Variants in CSMD1 observed in about 807,000 individuals in gnomAD.
CSMD1 encodes the protein CUB and Sushi multiple domains 1, also known as CUB and sushi domain-containing protein 1.
A neutral mutation model predicts 417.5 loss-of-function variants in CSMD1; 213 were observed. The observed-to-expected ratio is 0.51, with a 90% CI of 0.46 to 0.57. CSMD1 has a LOEUF of 0.57. Among genes scored for constraint, CSMD1 ranks in the 20% least tolerant of loss-of-function variants. CSMD1 has a pLI of 0.00. For missense variants in CSMD1, 6,923 were observed against 4,529.7 expected, an observed-to-expected ratio of 1.53 and a Z score of -15.17; for synonymous variants, 2,862 against 1,736.8, an observed-to-expected ratio of 1.65 and a Z score of -16.11.
At chr8:3,106,079 G>GGGAT (rs1816115156) in intron 46 of CSMD1, among the ~76,000 whole-genome samples, 1 of 152,166 alleles carries the variant, frequency 6.6e-6, no homozygotes, top group Non-Finnish European at 1.5e-5. Flanking sequence ...TCATTGCAAT[G>GGGAT]GGATCAGAGC....
intron 1 of CSMD1, among the ~76,000 whole-genome samples, chr8:4,761,903 CTATCTATCAAT>C (rs1563319599): frequency 5.6e-4 from 55 of 98,234 alleles, no homozygotes; most frequent in South Asian, 1.8e-3. Flanking sequence ...ACCTATCTAT[CTATCTATCAAT>C]CTATCTATCT....
At chr8:3,155,619 AG>A (rs1225572056) in intron 39 of CSMD1, among the ~76,000 whole-genome samples, 1 of 151,590 alleles carries the variant, frequency 6.6e-6, no homozygotes, top group African/African-American at 2.4e-5. Flanking sequence ...CACTCGCCTC[AG>A]CCTCCCAAAG....
At chr8:3,425,165 C>G (rs529985705) in intron 12 of CSMD1, among the ~76,000 whole-genome samples, 1 of 152,280 alleles carries the variant, frequency 6.6e-6, no homozygotes, top group South Asian at 2.1e-4. Flanking sequence ...CTGTGTCTAG[C>G]CTGTCAATTA....
chr8:4,704,198 G>A (rs765679168), intron 1 of CSMD1, among the ~76,000 whole-genome samples: 8 of 152,272 alleles, frequency 5.3e-5, no homozygotes, highest in African/African-American at 9.6e-5. Flanking sequence ...AATTTAATAC[G>A]CTGGTAGCAC....
At chr8:3,566,928 C>G (rs555305331) in intron 10 of CSMD1, among the ~76,000 whole-genome samples, 1 of 152,288 alleles carries the variant, frequency 6.6e-6, no homozygotes, top group Non-Finnish European at 1.5e-5. Context: ...TTACTGGGTA[C>G]ATACCCAAAA....
chr8:4,955,179 G>T (rs917355503), intron 1 of CSMD1, among the ~76,000 whole-genome samples: 11 of 152,142 alleles, frequency 7.2e-5, no homozygotes, highest in Non-Finnish European at 8.8e-5. Flanking sequence ...AGACCTACGG[G>T]GCTGTTCCCG....
In CSMD1 at chr8:4,581,803, G is replaced by C. The variant is rs79667078; in HGVS notation, c.302+55539C>G. Among the ~76,000 whole-genome samples, 10 of 152,254 alleles carry C rather than the reference G, an allele frequency of 6.6e-5. No individual in the cohort carries two copies. The East Asian group carries it at 1.9e-3, about 29-fold the overall frequency. ...CCTATTGGCTATTGCTAGGCTCTGA[G>C]CAAATGAGTCAGGAAGCCTGGGAGG... On this transcript the variant is annotated intron_variant, in intron 2 of 69. Coordinates refer to ENST00000635120, the MANE Select transcript of CSMD1 (RefSeq NM_033225.6).
chr8:4,759,434 A>G (rs1676959), intron 1 of CSMD1, among the ~76,000 whole-genome samples: 48,920 of 152,124 alleles, frequency 0.32, 8,979 homozygotes, highest in African/African-American at 0.5. Flanking sequence ...TCAAGGGTAC[A>G]TGTGCAGAAT....
chr8:4,108,396 A>T (rs752701565), intron 3 of CSMD1, among the ~76,000 whole-genome samples: 45 of 152,192 alleles, frequency 3.0e-4, no homozygotes, highest in Non-Finnish European at 5.6e-4. Flanking sequence ...ACTCTCGACC[A>T]TGTTCATAGC....
chr8:4,378,228 T>G (rs1181351430), intron 3 of CSMD1, among the ~76,000 whole-genome samples: 1 of 152,228 alleles, frequency 6.6e-6, no homozygotes, highest in Non-Finnish European at 1.5e-5. Context: ...CTGATGAGAT[T>G]TCCTTAAAAT....
rs549829716 is a variant in CSMD1, at chr8:4,187,092, C to T, written c.416-154993G>A. Among the ~76,000 whole-genome samples the T allele has an allele frequency of 1.8e-3, 273 of 152,240 alleles. 1 individual carries two copies. Among genetic ancestry groups the T allele is most frequent in the African/African-American group, 6.4e-3 (265 of 41,532 alleles). ...TTGAAACAAACATTATCTCTAAGGT[C>T]CCTTAAAATTCTGAAGAATTTCACC... On this transcript the variant is annotated intron_variant, in intron 3 of 69. Transcript: ENST00000635120.
intron 23 of CSMD1, among the ~76,000 whole-genome samples, chr8:3,323,731 C>T (rs1196077478): frequency 6.6e-6 from 1 of 151,092 alleles, no homozygotes; most frequent in Admixed American, 6.7e-5. Flanking sequence ...CCCCAGAGAC[C>T]CAGGAGGGAA....
intron 5 of CSMD1, among the ~76,000 whole-genome samples, chr8:3,905,813 G>C (rs965575993): frequency 3.3e-5 from 5 of 152,170 alleles, no homozygotes; most frequent in Non-Finnish European, 7.3e-5. Context: ...AGTTAACAAA[G>C]TCCAAACATC....
chr8:3,103,944 T>C (rs1815940755), intron 46 of CSMD1, among the ~76,000 whole-genome samples: 1 of 151,942 alleles, frequency 6.6e-6, no homozygotes, highest in African/African-American at 2.4e-5. Context: ...GGTTTCTTCA[T>C]GTTGGTCACG....
intron 1 of CSMD1, among the ~76,000 whole-genome samples, chr8:4,862,169 G>A (rs139125191): frequency 1.3e-5 from 2 of 151,972 alleles, no homozygotes; most frequent in African/African-American, 2.4e-5. Flanking sequence ...GAGCTGAGGT[G>A]GGAGTGGTTT....
intron 1 of CSMD1, among the ~76,000 whole-genome samples, chr8:4,992,607 C>A (rs1432659094): frequency 1.3e-5 from 2 of 152,196 alleles, no homozygotes; most frequent in Non-Finnish European, 2.9e-5. Flanking sequence ...CACACACGCC[C>A]CAGCACACCT....
At chr8:3,863,975 G>T (rs183383367) in intron 5 of CSMD1, among the ~76,000 whole-genome samples, 1 of 152,288 alleles carries the variant, frequency 6.6e-6, no homozygotes, top group African/African-American at 2.4e-5. Context: ...TCCTGAGGCT[G>T]CAGTCTAGGT....
At chr8:3,527,450 C>T (rs1424708784) in intron 10 of CSMD1, among the ~76,000 whole-genome samples, 1 of 152,128 alleles carries the variant, frequency 6.6e-6, no homozygotes, top group African/African-American at 2.4e-5. Flanking sequence ...AGATTACAGT[C>T]TGTGTGGGCG....
At chr8:3,671,245 G>C (rs1482477428) in intron 7 of CSMD1, among the ~76,000 whole-genome samples, 1 of 139,472 alleles carries the variant, frequency 7.2e-6, no homozygotes, top group Non-Finnish European at 1.6e-5. Context: ...ATATATGTGT[G>C]GGATATATAT....
Sources: allele counts gnomAD v4.1 joint callset (sites outside exome capture counted in the v4.1 genomes callset), GRCh38; gene constraint gnomAD v4.1.1; transcripts MANE v1.5; gene names NCBI Gene and HGNC (gene_info 2026-07-23, HGNC 2026-07-21).